Variants in PTPRZ1 observed in about 807,000 individuals in gnomAD.
PTPRZ1 encodes protein tyrosine phosphatase receptor type Z1.
A neutral mutation model predicts 214.1 loss-of-function variants in PTPRZ1; 82 were observed. The ratio of observed to expected loss-of-function variants is 0.38; its 90% confidence interval spans 0.32 to 0.46. The LOEUF is 0.46. Ranked by LOEUF, PTPRZ1 falls within the 20% of genes least tolerant of loss-of-function variation. The probability of loss-of-function intolerance (pLI) is 1.00; values close to 1 mark genes in which losing one functional copy is unlikely to be tolerated. For synonymous variants in PTPRZ1, 945 were observed against 987.9 expected, an observed-to-expected ratio of 0.96 and a Z score of 0.81; for missense variants, 2,603 against 2,748.7, an observed-to-expected ratio of 0.95 and a Z score of 1.19.
At chr7:121,998,139 C>A in intron 10 of PTPRZ1, 133 bp downstream of exon 10, 2 of 1,074,110 alleles carry the variant, frequency 1.9e-6, no homozygotes, top group Admixed American at 3.2e-5. Context: ...TCTGGATTGC[C>A]GGGTAATTTT....
At chr7:121,934,614 C>G (rs1796020569) in intron 2 of PTPRZ1, among the ~76,000 whole-genome samples, 2 of 151,192 alleles carry the variant, frequency 1.3e-5, no homozygotes, top group Admixed American at 1.3e-4. Flanking sequence ...CAGAAAAGCT[C>G]TTTGAGCAAG....
chr7:121,900,970 A>G (rs1794938871), intron 1 of PTPRZ1, among the ~76,000 whole-genome samples: 1 of 152,174 alleles, frequency 6.6e-6, no homozygotes. Context: ...CAAATGAAAT[A>G]AGGCATAGGG....
chr7:121,988,730 A>G (rs1046431516), intron 8 of PTPRZ1, among the ~76,000 whole-genome samples: 1 of 152,194 alleles, frequency 6.6e-6, no homozygotes, highest in Non-Finnish European at 1.5e-5. Flanking sequence ...AAGCTTACTC[A>G]TGTCTAAGCC....
intron 1 of PTPRZ1, among the ~76,000 whole-genome samples, chr7:121,884,891 C>T (rs1003744829): frequency 5.9e-5 from 9 of 152,198 alleles, no homozygotes; most frequent in African/African-American, 1.9e-4. Context: ...ATGTGAGCAG[C>T]ACTTCTTCCT....
Position 121,928,209 on chromosome 7 carries a change from T to A in PTPRZ1, c.112T>A (p.Trp38Arg), listed in dbSNP as rs1427040007. 1 of 1,610,842 alleles carries A rather than the reference T, an allele frequency of 6.2e-7. No individual in the cohort carries two copies. Among genetic ancestry groups the A allele is most frequent in the African/African-American group, 1.3e-5 (1 of 74,872 alleles). Residue 38 changes from tryptophan (W) to arginine (R), a missense_variant, in exon 2 of 30, where the codon TGG becomes AGG. By Grantham distance (101) the Trp-to-Arg change is moderately radical. This residue lies in a region of PTPRZ1 where 141 missense variants were observed against 143.7 expected (regional missense o/e 0.98). Transcript: ENST00000393386. ...QQRKLVEEIG[W>R]SYTGALNQKN... The stretch of plus-strand genomic sequence containing the variant: ...GAGAAAACTTGTTGAAGAGATTGGC[T>A]GGTCCTATACAGGTAAACATATTAC...
chr7:121,920,334 C>G (rs1320853032), intron 1 of PTPRZ1, among the ~76,000 whole-genome samples: 1 of 152,072 alleles, frequency 6.6e-6, no homozygotes, highest in Non-Finnish European at 1.5e-5. Context: ...AAGTTAGTAG[C>G]ATATAATAAC....
rs1459085605 is a variant in PTPRZ1, at chr7:122,010,394, G to A, written c.1348G>A (p.Ala450Thr). 1.9e-6 allele frequency: 3 copies of A among 1,614,002 alleles called. No individual in the cohort carries two copies. The African/African-American group carries it at 4.0e-5, about 22-fold the overall frequency. Residue 450 changes from alanine (A) to threonine (T), a missense_variant, in exon 12 of 30, where the codon GCT becomes ACT. By Grantham distance (58) the Ala-to-Thr change is moderately conservative. Around this residue, in one of 6 missense-constraint regions of PTPRZ1, gnomAD observed 1,913 missense variants for 1,914.3 expected, o/e 1.00. Transcript: ENST00000393386. The stretch of plus-strand genomic sequence containing the variant: ...TATTGTGAATCCTGGTAGAGACAGT[G>A]CTACAAACCAAATCAGGAAAAAGGA... ...GAIVNPGRDS[A>T]TNQIRKKEPQ...
rs755670453 is a variant in PTPRZ1 at position 122,028,598 on chromosome 7, C to T, written c.5035C>T (p.Pro1679Ser). 6.4e-7 allele frequency: 1 copy of T among 1,550,430 alleles called. No homozygotes were observed. Among genetic ancestry groups the T allele is most frequent in the South Asian group, 1.1e-5 (1 of 89,754 alleles). The part of the protein sequence containing the change: ...AHFYLEDSTS[P>S]RVISTPPTPI... ...CTTTTACTTAGAGGACAGTACATCC[C>T]CTAGAGTTATATCCACACCTCCAAC... The change falls in exon 14 of 30, where the codon CCT (proline) becomes TCT (serine). Residue 1679 changes from proline (P) to serine (S), a missense_variant. Pro to Ser is a moderately conservative substitution (Grantham distance 74, BLOSUM62 -1). Transcript: ENST00000393386.
chr7:121,921,700 A>G (rs965257528), intron 1 of PTPRZ1, among the ~76,000 whole-genome samples: 1 of 152,110 alleles, frequency 6.6e-6, no homozygotes, highest in Non-Finnish European at 1.5e-5. Context: ...TTTTATTTTG[A>G]AGCCTTTGAA....
At chr7:122,017,472 A>G (rs535340646) in intron 12 of PTPRZ1, among the ~76,000 whole-genome samples, 2 of 152,146 alleles carry the variant, frequency 1.3e-5, no homozygotes, top group African/African-American at 2.4e-5. Flanking sequence ...TAGTAAATGC[A>G]TTTATAGTTA....
intron 20 of PTPRZ1, among the ~76,000 whole-genome samples, chr7:122,039,862 G>A (rs963741579): frequency 1.8e-4 from 27 of 152,018 alleles, no homozygotes; most frequent in African/African-American, 5.8e-4. Context: ...GCTGAGTGTG[G>A]TGGTGCACAC....
intron 13 of PTPRZ1, among the ~76,000 whole-genome samples, chr7:122,020,445 T>A (rs1798981915): frequency 6.6e-6 from 1 of 152,100 alleles, no homozygotes; most frequent in Non-Finnish European, 1.5e-5. Context: ...AACTAAAATG[T>A]AGGACTCAAG....
intron 14 of PTPRZ1, 81 bp downstream of exon 14, chr7:122,028,724 G>C: frequency 9.1e-7 from 1 of 1,093,650 alleles, no homozygotes; most frequent in Non-Finnish European, 1.4e-6. Context: ...TTTTTATCGG[G>C]ACACTATGCA....
chr7:121,984,798 T>C (rs1425649256), intron 8 of PTPRZ1, among the ~76,000 whole-genome samples: 1 of 151,674 alleles, frequency 6.6e-6, no homozygotes, highest in Admixed American at 6.6e-5. Flanking sequence ...TTTTTGAAGC[T>C]GACACAGTAG....
chr7:121,960,034 A>C (rs1263655068), intron 2 of PTPRZ1, among the ~76,000 whole-genome samples: 1 of 152,168 alleles, frequency 6.6e-6, no homozygotes, highest in African/African-American at 2.4e-5. Flanking sequence ...TTATATGTGA[A>C]TATGTGGAGA....
Position 121,983,693 on chromosome 7 carries a change from A to G in PTPRZ1, c.648A>G (p.Ile216Met), listed in dbSNP as rs767164872. 2 of 1,613,544 alleles carry G rather than the reference A, an allele frequency of 1.2e-6. No individual in the cohort carries two copies. Among genetic ancestry groups the G allele is most frequent in the African/African-American group, 1.3e-5 (1 of 75,024 alleles). ...FGKQAALDPF[I>M]LLNLLPNSTD... ...AGCAGGCTGCTTTAGATCCATTCAT[A>G]CTGTTGAACCTTCTGCCAAACTCAA... The change falls in exon 7 of 30, where the codon ATA becomes ATG. Residue 216 changes from isoleucine (I) to methionine (M), a missense_variant. This residue lies in a region of PTPRZ1 where 244 missense variants were observed against 333.2 expected (regional missense o/e 0.73). Transcript: ENST00000393386.
At chr7:121,948,060 G>A (rs1339178862) in intron 2 of PTPRZ1, among the ~76,000 whole-genome samples, 1 of 152,148 alleles carries the variant, frequency 6.6e-6, no homozygotes, top group Non-Finnish European at 1.5e-5. Context: ...TTACCTGCCT[G>A]TTCAGAGAAC....
chr7:122,015,030 C>A (rs1798804674), intron 12 of PTPRZ1, among the ~76,000 whole-genome samples: 1 of 152,124 alleles, frequency 6.6e-6, no homozygotes, highest in Non-Finnish European at 1.5e-5. Flanking sequence ...GTATTTTATG[C>A]AAATTAGCTT....
intron 1 of PTPRZ1, among the ~76,000 whole-genome samples, chr7:121,909,784 A>C (rs1795217602): frequency 6.6e-6 from 1 of 152,158 alleles, no homozygotes; most frequent in Non-Finnish European, 1.5e-5. Flanking sequence ...AAATTACAAT[A>C]AGAGTATGTT....
Sources: gnomAD v4.1 joint callset for allele counts (sites outside exome capture counted in the v4.1 genomes callset) on GRCh38, gnomAD v4.1.1 for gene constraint, gnomAD v4.1.1 regional missense constraint, MANE v1.5 for transcripts, NCBI Gene and HGNC (gene_info 2026-07-23, HGNC 2026-07-21) for gene names.